The following MAK variants were observed in gnomAD, a reference collection of about 807,000 sequenced individuals.
The protein encoded by MAK is serine/threonine-protein kinase MAK.
Under a neutral mutation model 82.6 loss-of-function variants are expected in MAK, and 65 were observed. That is an observed-to-expected ratio of 0.79 (90% CI 0.64 to 0.97). The LOEUF (loss-of-function observed/expected upper bound fraction) is 0.97. Ranked by LOEUF, MAK falls within the 50% of genes least tolerant of loss-of-function variation. The probability of loss-of-function intolerance (pLI) is 0.00; values close to 1 mark genes in which losing one functional copy is unlikely to be tolerated. For missense variants in MAK, 703 were observed against 780.2 expected (o/e 0.90, Z 1.18); for synonymous variants, 250 against 274.2 (o/e 0.91, Z 0.87).
intron 9 of MAK, among the ~76,000 whole-genome samples, chr6:10,794,060 GA>G (rs1561959518): frequency 6.6e-6 from 1 of 152,178 alleles, no homozygotes; most frequent in Non-Finnish European, 1.5e-5. Context: ...GGGAATTGGA[GA>G]AGTTTCTCTA....
chr6:10,803,028 A>C (rs960820519), intron 7 of MAK, among the ~76,000 whole-genome samples: 4 of 152,222 alleles, frequency 2.6e-5, no homozygotes, highest in African/African-American at 9.6e-5. Flanking sequence ...TCAAGACACC[A>C]GGGGTTAACA....
At chr6:10,826,828 T>C (rs1360727239) in intron 2 of MAK, among the ~76,000 whole-genome samples, 3 of 152,168 alleles carry the variant, frequency 2.0e-5, no homozygotes, top group African/African-American at 4.8e-5. Flanking sequence ...AAGAGTACAG[T>C]AGGCCGGGCA....
chr6:10,836,194 AGGATTAC>A (rs993215486), intron 1 of MAK, among the ~76,000 whole-genome samples: 2 of 152,188 alleles, frequency 1.3e-5, no homozygotes. Flanking sequence ...TGGAGTGTTG[AGGATTAC>A]GGACGTGACA....
chr6:10,821,240 C>CTCCAGGTCTAGAATTTTAAAAGT (rs1777917769), intron 2 of MAK, among the ~76,000 whole-genome samples: 4 of 152,072 alleles, frequency 2.6e-5, no homozygotes, highest in East Asian at 3.9e-4. Flanking sequence ...TGAGCCACCA[C>CTCCAGGTCTAGAATTTTAAAAGT]ACCCAGCCTG....
chr6:10,779,865 T>G (rs1773808593), intron 11 of MAK, among the ~76,000 whole-genome samples: 1 of 152,152 alleles, frequency 6.6e-6, no homozygotes, highest in African/African-American at 2.4e-5. Flanking sequence ...TTTTGTATTT[T>G]TAGTAGAGAC....
At chr6:10,815,044 A>T (rs1777357005) in intron 4 of MAK, among the ~76,000 whole-genome samples, 3 of 152,106 alleles carry the variant, frequency 2.0e-5, no homozygotes, top group African/African-American at 7.2e-5. Flanking sequence ...CTCAAAAAAA[A>T]AAAAAATAAA....
chr6:10,798,003 C>T lies in MAK; in HGVS notation c.832-1694G>A, dbSNP rs967686758. The T allele has an allele frequency of 2.1e-5, 22 of 1,032,860 alleles. No individual in the cohort carries two copies. In the African/African-American group the frequency reaches 3.4e-4, roughly 16 times the overall value. The allele number at this position is 1,032,860 out of a possible 1,614,324, so 64.0% of individuals were successfully genotyped here. On this transcript the variant is annotated intron_variant, in intron 8 of 14. Coordinates refer to ENST00000354489, the MANE Select transcript of MAK (RefSeq NM_001242957.3). ...GGTACTCAAATTCTGAATTAAGTCA[C>T]ATTAAGTAATTAGTATGTCAATATT...
chr6:10,809,635 C>G (rs1459594077), intron 5 of MAK, among the ~76,000 whole-genome samples: 3 of 152,202 alleles, frequency 2.0e-5, no homozygotes, highest in Admixed American at 2.0e-4. Context: ...AAATGGAACT[C>G]CACACATCAG....
In MAK at chr6:10,793,464, G is replaced by A. The variant is rs535186960; in HGVS notation, c.1144-1617C>T. Among the ~76,000 whole-genome samples, 35 of 152,230 alleles carry A rather than the reference G, an allele frequency of 2.3e-4. 1 individual carries two copies. In the South Asian group the frequency reaches 7.1e-3, roughly 31 times the overall value. The stretch of plus-strand genomic sequence containing the variant: ...AAGCTGGGCAGAATGGGTAAACTGA[G>A]AAGAAAAAATACAGATTCAAAAATA... On this transcript the variant is annotated intron_variant, in intron 9 of 14. Transcript: ENST00000354489. This position sits in a 1 kb window ranked among gnomAD's most constrained non-coding sequence, Gnocchi z 4.6.
chr6:10,808,259 A>G (rs1005160704), intron 6 of MAK, among the ~76,000 whole-genome samples: 3 of 152,076 alleles, frequency 2.0e-5, no homozygotes, highest in African/African-American at 7.2e-5. Context: ...TGGGCTCTTG[A>G]TCTCAACATT....
At position 10,830,872 on chromosome 6, in the gene MAK, A is replaced by G. The variant is rs1240584794; in HGVS notation, c.-224T>C. On this transcript the variant is annotated 5_prime_UTR_variant, in exon 2 of 15. Transcript: ENST00000354489. The stretch of plus-strand genomic sequence containing the variant: ...AGGAAACAACACTTCCATTCTTATA[A>G]ACACCCTAAAGAAAGAAAACAAGGA... The G allele has an allele frequency of 3.7e-6, 2 of 541,288 alleles. No individual in the cohort carries two copies. The highest frequency in any genetic ancestry group is 6.7e-6 in the Non-Finnish European group (2 of 298,752). The allele number at this position is 541,288 out of a possible 1,614,324, so 33.5% of individuals were successfully genotyped here. A position where few individuals can be genotyped will look rare whatever the true frequency, so the allele number is the denominator to read the frequency against.
chr6:10,813,611 G>C (rs748842537), intron 5 of MAK, 33 bp downstream of exon 5: 1 of 1,147,768 alleles, frequency 8.7e-7, no homozygotes, highest in South Asian at 1.2e-5. Flanking sequence ...GTAATCTAAA[G>C]AGGTAGGGAA....
intron 2 of MAK, among the ~76,000 whole-genome samples, chr6:10,820,680 G>A (rs191881572): frequency 6.6e-5 from 10 of 152,262 alleles, no homozygotes; most frequent in Non-Finnish European, 1.3e-4. Context: ...AATATCCTTA[G>A]TGAATCAGAA....
chr6:10,830,479 C>G (rs1334625714), intron 2 of MAK, 69 bp downstream of exon 2: 16 of 1,321,870 alleles, frequency 1.2e-5, no homozygotes, highest in African/African-American at 1.4e-5. Flanking sequence ...GGTATATATT[C>G]TTAAGCGAGG....
In MAK at chr6:10,810,801, C is replaced by G. The variant is rs1355156667; in HGVS notation, c.359-1859G>C. ...CATTTCACTATGTCCAAGAGACATT[C>G]AGATACTTTTGTAATGTAACGACAG... On this transcript the variant is annotated intron_variant, in intron 5 of 14. Transcript: ENST00000354489. Among the ~76,000 whole-genome samples the G allele has an allele frequency of 2.6e-5, 4 of 152,274 alleles. No individual in the cohort carries two copies. In the South Asian group the frequency reaches 6.2e-4, roughly 24 times the overall value.
rs528683588 is a variant in MAK at position 10,776,820 on chromosome 6, C to G, written c.1466-1361G>C. 1.6e-4 allele frequency among the ~76,000 whole-genome samples: 24 copies of G among 152,256 alleles called. No individual in the cohort carries two copies. The highest frequency in any genetic ancestry group is 5.8e-4 in the African/African-American group (24 of 41,538). On this transcript the variant is annotated intron_variant, in intron 11 of 14. Transcript: ENST00000354489. The surrounding 1 kb of genome is among the most constrained non-coding windows in gnomAD (Gnocchi z 4.3). ...GGCAACTACCAGCTGGGTGCGGTGG[C>G]TCATGCCTGTAATCCCAGCACTTTG...
intron 11 of MAK, among the ~76,000 whole-genome samples, chr6:10,781,129 T>G (rs1773933529): frequency 6.6e-6 from 1 of 152,178 alleles, no homozygotes; most frequent in Non-Finnish European, 1.5e-5. Context: ...GCTGAAATGC[T>G]TCATTCCATT....
intron 10 of MAK, among the ~76,000 whole-genome samples, chr6:10,785,583 T>C (rs148210503): frequency 0.016 from 2,429 of 152,350 alleles, 26 homozygotes; most frequent in Middle Eastern, 0.041. Flanking sequence ...CACAGGTGCG[T>C]CTGCTTCAAT....
chr6:10,808,012 G>A (rs1372677734), intron 6 of MAK, among the ~76,000 whole-genome samples: 1 of 151,860 alleles, frequency 6.6e-6, no homozygotes, highest in Non-Finnish European at 1.5e-5. Context: ...AGGTTGCAGT[G>A]AGCCGAGATC....
Sources: gnomAD v4.1 joint callset for allele counts (sites outside exome capture counted in the v4.1 genomes callset) on GRCh38, gnomAD v4.1.1 for gene constraint, Gnocchi (gnomAD v3.1) non-coding constraint, MANE v1.5 for transcripts, NCBI Gene and HGNC (gene_info 2026-07-23, HGNC 2026-07-21) for gene names.